Variants in MACROD2 observed in about 807,000 individuals in gnomAD.
The protein encoded by MACROD2 is ADP-ribose glycohydrolase MACROD2.
MACROD2 carries 36 observed loss-of-function variants against 70.4 expected under a neutral mutation model. That is an observed-to-expected ratio of 0.51 (90% confidence interval 0.39 to 0.68). MACROD2 has a LOEUF of 0.68. Ranked by LOEUF, MACROD2 falls within the 30% of genes least tolerant of loss-of-function variation. The pLI is 0.00. For missense variants in MACROD2, 496 were observed against 538.4 expected (o/e 0.92, Z 0.78); for synonymous variants, 172 against 178.8 (o/e 0.96, Z 0.30).
chr20:14,618,504 C>A (rs1983613088), intron 4 of MACROD2, among the ~76,000 whole-genome samples: 1 of 152,048 alleles, frequency 6.6e-6, no homozygotes, highest in Non-Finnish European at 1.5e-5. Flanking sequence ...AAAATGATAC[C>A]TAGTATATTG....
intron 3 of MACROD2, among the ~76,000 whole-genome samples, chr20:14,160,821 A>G (rs1433228904): frequency 6.6e-6 from 1 of 151,764 alleles, no homozygotes; most frequent in Non-Finnish European, 1.5e-5. Flanking sequence ...TGTATTTGAA[A>G]TCTTTATACT....
intron 5 of MACROD2, among the ~76,000 whole-genome samples, chr20:14,979,549 A>T (rs1243404852): frequency 1.3e-5 from 2 of 152,236 alleles, no homozygotes; most frequent in Non-Finnish European, 2.9e-5. Context: ...TAAATTGCTT[A>T]TTCAGAGAAC....
At chr20:15,582,175 G>C (rs955289395) in intron 8 of MACROD2, among the ~76,000 whole-genome samples, 4 of 151,850 alleles carry the variant, frequency 2.6e-5, no homozygotes, top group African/African-American at 4.8e-5. Flanking sequence ...GACTGGAGGA[G>C]GCTCACGGGA....
intron 3 of MACROD2, among the ~76,000 whole-genome samples, chr20:14,119,394 C>T (rs551300979): frequency 1.3e-5 from 2 of 151,612 alleles, no homozygotes; most frequent in Non-Finnish European, 2.9e-5. Context: ...GTCTCAAACT[C>T]CTGACCTTCA....
intron 12 of MACROD2, among the ~76,000 whole-genome samples, chr20:15,947,046 A>G (rs2065833477): frequency 6.6e-6 from 1 of 152,214 alleles, no homozygotes; most frequent in South Asian, 2.1e-4. Context: ...AAAAAATAAT[A>G]AAGCAGCATT....
intron 5 of MACROD2, among the ~76,000 whole-genome samples, chr20:14,740,363 A>G (rs994585945): frequency 2.0e-5 from 3 of 152,134 alleles, no homozygotes; most frequent in African/African-American, 7.2e-5. Flanking sequence ...CTATTTCTCT[A>G]TCACCCTACT....
At chr20:14,062,268 G>A (rs2053699696) in intron 2 of MACROD2, among the ~76,000 whole-genome samples, 1 of 152,060 alleles carries the variant, frequency 6.6e-6, no homozygotes, top group Non-Finnish European at 1.5e-5. Flanking sequence ...GTAAATGTTT[G>A]AGTGTTTACC....
At chr20:14,042,174 T>C (rs1033823067) in intron 2 of MACROD2, among the ~76,000 whole-genome samples, 1 of 152,176 alleles carries the variant, frequency 6.6e-6, no homozygotes, top group Non-Finnish European at 1.5e-5. Flanking sequence ...ATTAAAAATA[T>C]GATTGCCAAG....
chr20:15,711,924 C>G (rs2050635109), intron 8 of MACROD2, among the ~76,000 whole-genome samples: 1 of 152,136 alleles, frequency 6.6e-6, no homozygotes, highest in Non-Finnish European at 1.5e-5. Context: ...TCTTCAGCCC[C>G]CTGGGTTTCA....
At chr20:15,178,141 C>T (rs758034617) in intron 5 of MACROD2, among the ~76,000 whole-genome samples, 13 of 152,048 alleles carry the variant, frequency 8.5e-5, no homozygotes, top group African/African-American at 1.9e-4. Flanking sequence ...ACTTAAAAGC[C>T]GAAGCAGTGA....
chr20:15,987,928 A>G (rs1245349878), intron 15 of MACROD2, among the ~76,000 whole-genome samples: 1 of 152,202 alleles, frequency 6.6e-6, no homozygotes, highest in Non-Finnish European at 1.5e-5. Context: ...TTAAATAAAT[A>G]TGTATTTGCA....
At chr20:14,523,829 G>A (rs962538610) in intron 4 of MACROD2, among the ~76,000 whole-genome samples, 2 of 152,186 alleles carry the variant, frequency 1.3e-5, no homozygotes, top group Admixed American at 6.5e-5. Flanking sequence ...TGAGTATTTT[G>A]TGTCTATATG....
At chr20:15,121,708 A>T (rs1036585418) in intron 5 of MACROD2, among the ~76,000 whole-genome samples, 5 of 152,080 alleles carry the variant, frequency 3.3e-5, no homozygotes, top group African/African-American at 1.2e-4. Context: ...ACATAAAATT[A>T]CTTTATTTTT....
intron 5 of MACROD2, among the ~76,000 whole-genome samples, chr20:14,747,143 G>A (rs1028390337): frequency 1.3e-5 from 2 of 152,138 alleles, no homozygotes; most frequent in Non-Finnish European, 2.9e-5. Context: ...CCAGATCCAA[G>A]CTGGGAGTCC....
intron 8 of MACROD2, among the ~76,000 whole-genome samples, chr20:15,778,518 G>A (rs1369923677): frequency 2.0e-5 from 3 of 152,058 alleles, no homozygotes; most frequent in Non-Finnish European, 4.4e-5. Flanking sequence ...TGACATCAGG[G>A]CAATTTCTGC....
At chr20:14,119,159 ATTTTTT>A (rs1181793101) in intron 3 of MACROD2, among the ~76,000 whole-genome samples, 11 of 56,738 alleles carry the variant, frequency 1.9e-4, no homozygotes, top group Non-Finnish European at 2.9e-4. Context: ...AATGACTGTG[ATTTTTT>A]TTTTTTTTTT....
In MACROD2 at chr20:15,088,397, TTATATATATATATATATATATATATA is replaced by T. The variant is rs71190173; in HGVS notation, c.419-141514_419-141489del. 3.2e-4 allele frequency among the ~76,000 whole-genome samples: 36 copies of T among 111,140 alleles called. 1 individual carries two copies. The South Asian group carries it at 3.8e-3, about 12-fold the overall frequency. 72.9% of individuals were successfully genotyped at this position (111,140 alleles called of 152,430 possible). A position where few individuals can be genotyped will look rare whatever the true frequency, so the allele number is the denominator to read the frequency against. On this transcript the variant is annotated intron_variant, in intron 5 of 17. Transcript: ENST00000684519. ...ACCATTAAAACATATATACTATATT[TTATATATATATATATATATATATATA>T]TATATATATATATATATATATATAT...
intron 8 of MACROD2, among the ~76,000 whole-genome samples, chr20:15,704,722 CATAAA>C (rs2050507795): frequency 6.6e-6 from 1 of 152,042 alleles, no homozygotes; most frequent in Admixed American, 6.6e-5. Context: ...ATAAAATGGA[CATAAA>C]ATAGAATAGG....
intron 3 of MACROD2, among the ~76,000 whole-genome samples, chr20:14,489,690 C>A (rs2084772513): frequency 6.6e-6 from 1 of 152,048 alleles, no homozygotes; most frequent in South Asian, 2.1e-4. Flanking sequence ...GAAAAGCAAA[C>A]AAAACTCTGT....
Sources: allele counts gnomAD v4.1 joint callset (sites outside exome capture counted in the v4.1 genomes callset), GRCh38; gene constraint gnomAD v4.1.1; transcripts MANE v1.5; gene names NCBI Gene and HGNC (gene_info 2026-07-23, HGNC 2026-07-21).